The following ERBB4 variants were observed in gnomAD, a reference collection of about 807,000 sequenced individuals.
ERBB4 encodes receptor tyrosine-protein kinase erbB-4.
Under a neutral mutation model 158.0 loss-of-function variants are expected in ERBB4, and 42 were observed. The observed-to-expected ratio is 0.27, with a 90% CI of 0.21 to 0.34. The LOEUF is 0.34. Among genes scored for constraint, ERBB4 ranks in the 10% least tolerant of loss-of-function variants. ERBB4 has a pLI of 1.00. For synonymous variants in ERBB4, 583 were observed against 558.7 expected (o/e 1.04, Z -0.61); for missense variants, 1,333 against 1,624.1 (o/e 0.82, Z 3.08).
At chr2:211,548,190 C>T (rs1368007025) in intron 20 of ERBB4, among the ~76,000 whole-genome samples, 1 of 151,898 alleles carries the variant, frequency 6.6e-6, no homozygotes, top group East Asian at 1.9e-4. Context: ...AAATTTGGCG[C>T]ATAAATAAAA....
chr2:211,400,968 A>G (rs2063029338), intron 25 of ERBB4, among the ~76,000 whole-genome samples: 1 of 152,138 alleles, frequency 6.6e-6, no homozygotes, highest in African/African-American at 2.4e-5. Context: ...CAAATTTGAA[A>G]CAATTGTCAA....
chr2:211,463,467 G>T (rs1380600240), intron 20 of ERBB4, among the ~76,000 whole-genome samples: 1 of 152,144 alleles, frequency 6.6e-6, no homozygotes, highest in East Asian at 1.9e-4. Context: ...GTCTGCTGTA[G>T]CTTCATTAAC....
intron 20 of ERBB4, among the ~76,000 whole-genome samples, chr2:211,522,974 C>T (rs1436339554): frequency 6.6e-6 from 1 of 151,076 alleles, no homozygotes; most frequent in Non-Finnish European, 1.5e-5. Flanking sequence ...TACTTGGTAA[C>T]TTAAGAGTTT....
At chr2:211,500,516 AT>A (rs988481413) in intron 20 of ERBB4, among the ~76,000 whole-genome samples, 1 of 152,126 alleles carries the variant, frequency 6.6e-6, no homozygotes, top group Non-Finnish European at 1.5e-5. Flanking sequence ...TAAAAATGTA[AT>A]GTAAAGTCAA....
intron 4 of ERBB4, among the ~76,000 whole-genome samples, chr2:211,765,515 ATT>A: frequency 6.6e-6 from 1 of 152,280 alleles, no homozygotes; most frequent in African/African-American, 2.4e-5. Context: ...CTCTGAGCCC[ATT>A]GTATATACTA....
intron 1 of ERBB4, among the ~76,000 whole-genome samples, chr2:212,371,147 C>A (rs1013529888): frequency 2.0e-5 from 3 of 152,136 alleles, no homozygotes; most frequent in East Asian, 3.9e-4. Context: ...GCAAGGTGTT[C>A]TTGGTTTTTC....
chr2:212,266,349 T>C (rs935187081), intron 1 of ERBB4, among the ~76,000 whole-genome samples: 3 of 152,044 alleles, frequency 2.0e-5, no homozygotes, highest in African/African-American at 2.4e-5. Flanking sequence ...TCTTTTTGAA[T>C]GGAAAATCAT....
intron 4 of ERBB4, among the ~76,000 whole-genome samples, chr2:211,787,236 G>A (rs568448305): frequency 6.6e-6 from 1 of 152,286 alleles, no homozygotes; most frequent in East Asian, 1.9e-4. Flanking sequence ...AACACTTGAT[G>A]AAAATTCTGT....
intron 2 of ERBB4, among the ~76,000 whole-genome samples, chr2:212,081,516 C>A (rs2078442461): frequency 6.6e-6 from 1 of 152,100 alleles, no homozygotes; most frequent in South Asian, 2.1e-4. Context: ...TCACAATGCT[C>A]TTTTTGCCTT....
chr2:212,073,959 T>C (rs539720510), intron 2 of ERBB4, among the ~76,000 whole-genome samples: 2 of 152,050 alleles, frequency 1.3e-5, no homozygotes, highest in Non-Finnish European at 2.9e-5. Flanking sequence ...CCCTGGACAC[T>C]GAAAATGATC....
intron 2 of ERBB4, among the ~76,000 whole-genome samples, chr2:211,975,580 C>T (rs1240129067): frequency 2.0e-5 from 3 of 152,138 alleles, no homozygotes; most frequent in African/African-American, 7.2e-5. Context: ...ACTCGGCGAA[C>T]TTAGTTCATA....
chr2:211,951,759 G>C (rs1021221185), intron 2 of ERBB4, among the ~76,000 whole-genome samples: 3 of 151,960 alleles, frequency 2.0e-5, no homozygotes, highest in Admixed American at 2.0e-4. Context: ...TATTCATTCT[G>C]TTTATTACCC....
At chr2:211,784,450 G>A (rs1477301665) in intron 4 of ERBB4, among the ~76,000 whole-genome samples, 1 of 152,030 alleles carries the variant, frequency 6.6e-6, no homozygotes. Context: ...TTTCAAGCTG[G>A]ATAATATTTC....
intron 2 of ERBB4, among the ~76,000 whole-genome samples, chr2:211,992,549 G>T (rs2082100214): frequency 1.6e-5 from 1 of 61,358 alleles, no homozygotes; most frequent in Non-Finnish European, 7.0e-5. Context: ...GACAGTGAGA[G>T]AGAGAGAGAG....
intron 1 of ERBB4, among the ~76,000 whole-genome samples, chr2:212,441,188 T>C (rs988002322): frequency 2.7e-5 from 4 of 149,474 alleles, no homozygotes; most frequent in Non-Finnish European, 6.0e-5. Context: ...TTGTAAACTC[T>C]GATGAACCTT....
intron 25 of ERBB4, among the ~76,000 whole-genome samples, chr2:211,408,396 T>A (rs576540198): frequency 1.3e-5 from 2 of 152,338 alleles, no homozygotes; most frequent in African/African-American, 4.8e-5. Context: ...TGTGTCCTTT[T>A]CCAGCTCTGA....
intron 3 of ERBB4, among the ~76,000 whole-genome samples, chr2:211,808,810 G>A (rs1460202162): frequency 6.6e-6 from 1 of 152,134 alleles, no homozygotes; most frequent in Non-Finnish European, 1.5e-5. Context: ...TCATTGAGCA[G>A]TGGTTTGTAG....
intron 3 of ERBB4, among the ~76,000 whole-genome samples, chr2:211,814,943 A>G (rs2076848209): frequency 6.6e-6 from 1 of 152,224 alleles, no homozygotes; most frequent in Non-Finnish European, 1.5e-5. Context: ...AAACTGATGG[A>G]AACACCACAG....
At chr2:212,022,910 T>A (rs890080824) in intron 2 of ERBB4, among the ~76,000 whole-genome samples, 1 of 152,150 alleles carries the variant, frequency 6.6e-6, no homozygotes, top group African/African-American at 2.4e-5. Flanking sequence ...CACTTCTTCC[T>A]GGTAATTACT....
Sources: allele counts gnomAD v4.1 joint callset (sites outside exome capture counted in the v4.1 genomes callset), GRCh38; gene constraint gnomAD v4.1.1; transcripts MANE v1.5; gene names NCBI Gene and HGNC (gene_info 2026-07-23, HGNC 2026-07-21).